The following TRDMT1 variants were observed in gnomAD, a reference collection of about 807,000 sequenced individuals.
TRDMT1 encodes tRNA (cytosine(38)-C(5))-methyltransferase.
In TRDMT1, 49 loss-of-function variants were observed where a neutral mutation model predicts 51.2. That is an observed-to-expected ratio of 0.96 (90% CI 0.76 to 1.21). The LOEUF (loss-of-function observed/expected upper bound fraction) is 1.21. Among genes scored for constraint, TRDMT1 ranks in the 50% most tolerant of loss-of-function variants. The pLI, the probability that TRDMT1 is intolerant of heterozygous loss-of-function variation, is 0.00. For synonymous variants in TRDMT1, 187 were observed against 164.6 expected (o/e 1.14, Z -1.04); for missense variants, 534 against 462.3 (o/e 1.16, Z -1.42).
intron 2 of TRDMT1, chr10:17,169,613 A>G (rs1204972949): frequency 6.2e-6 from 6 of 965,350 alleles, no homozygotes; most frequent in African/African-American, 1.7e-5. Flanking sequence ...CTCTCAGTGC[A>G]CATCTTTAGC....
At chr10:17,169,258 A>T (rs1841638097) in intron 2 of TRDMT1, 1 of 973,044 alleles carries the variant, frequency 1.0e-6, no homozygotes, top group Non-Finnish European at 1.3e-6. Context: ...ACCTTATTTT[A>T]TAATTGATAA....
Position 17,148,535 on chromosome 10 carries a change from G to C in TRDMT1, c.*505C>G. 1 of 984,750 alleles carries C rather than the reference G, an allele frequency of 1.0e-6. No homozygotes were observed. The highest frequency in any genetic ancestry group is 1.2e-6 in the Non-Finnish European group (1 of 829,392). 61.0% of individuals were successfully genotyped at this position (984,750 alleles called of 1,614,324 possible). A position where few individuals can be genotyped will look rare whatever the true frequency, so the allele number is the denominator to read the frequency against. On this transcript the variant is annotated 3_prime_UTR_variant, in exon 11 of 11. Coordinates refer to ENST00000377799, the MANE Select transcript of TRDMT1 (RefSeq NM_004412.7). ...CAGTCTGCTGTATAAACTGAATGAT[G>C]ATAATTTGGTTTACATATCATATGC...
At chr10:17,180,015 T>C (rs1843081068) in intron 1 of TRDMT1, among the ~76,000 whole-genome samples, 1 of 152,180 alleles carries the variant, frequency 6.6e-6, no homozygotes, top group Non-Finnish European at 1.5e-5. Context: ...TGATACTCTA[T>C]GAGCATTTAA....
chr10:17,193,772 C>T (rs1380409844), intron 1 of TRDMT1, among the ~76,000 whole-genome samples: 2 of 152,160 alleles, frequency 1.3e-5, no homozygotes, highest in Admixed American at 6.5e-5. Context: ...TCCTGTCAAA[C>T]TACTAGCATC....
intron 1 of TRDMT1, among the ~76,000 whole-genome samples, chr10:17,192,317 G>C (rs1489206498): frequency 3.3e-5 from 5 of 152,212 alleles, no homozygotes; most frequent in African/African-American, 1.2e-4. Context: ...GAAGGGATCA[G>C]AGACCAGTAG....
At chr10:17,170,377 A>C (rs1211227366) in intron 2 of TRDMT1, among the ~76,000 whole-genome samples, 2 of 152,242 alleles carry the variant, frequency 1.3e-5, no homozygotes, top group Non-Finnish European at 2.9e-5. Flanking sequence ...TAAATATTTT[A>C]AAGCCAAAGG....
At chr10:17,154,758 T>G in intron 8 of TRDMT1, 24 bp from the exon 9 acceptor site, 3 of 1,591,262 alleles carry the variant, frequency 1.9e-6, no homozygotes, top group Non-Finnish European at 2.6e-6. Flanking sequence ...ACAACAATTA[T>G]GCAGCACCTG....
intron 3 of TRDMT1, among the ~76,000 whole-genome samples, chr10:17,167,443 G>A (rs189862591): frequency 5.3e-5 from 8 of 152,158 alleles, no homozygotes; most frequent in Admixed American, 5.2e-4. Context: ...AACAGCAATG[G>A]CTACCCCATA....
chr10:17,197,774 T>C (rs377684801), intron 1 of TRDMT1, among the ~76,000 whole-genome samples: 5 of 152,210 alleles, frequency 3.3e-5, no homozygotes, highest in African/African-American at 1.2e-4. Flanking sequence ...GGCTCACACC[T>C]GTAATCCCAA....
At chr10:17,153,783 T>C (rs1207407057) in intron 9 of TRDMT1, 147 bp from the exon 10 acceptor site, 5 of 674,698 alleles carry the variant, frequency 7.4e-6, no homozygotes, top group Non-Finnish European at 1.2e-5. Context: ...CTCTGTGCAA[T>C]AGACTACATA....
rs962161551 is a variant in TRDMT1 at position 17,201,543 on chromosome 10, G to A, written c.64+28C>T. 5.8e-6 allele frequency: 9 copies of A among 1,542,900 alleles called. No homozygotes were observed. In the African/African-American group the frequency reaches 1.2e-4, roughly 21 times the overall value. On this transcript the variant is annotated intron_variant, in intron 1 of 10. Coordinates refer to ENST00000377799, the MANE Select transcript of TRDMT1 (RefSeq NM_004412.7). ...TCCAACCAGCCCCCGTGAGCGAATA[G>A]AGAGAGGGGTGCTAGATGGACTCTC...
chr10:17,145,108 G>T lies in TRDMT1; in HGVS notation c.*3932C>A. The T allele has an allele frequency of 1.7e-6, 1 of 582,972 alleles. No individual in the cohort carries two copies. The highest frequency in any genetic ancestry group is 2.2e-6 in the Non-Finnish European group (1 of 462,448). 36.1% of individuals were successfully genotyped at this position (582,972 alleles called of 1,614,324 possible). A position where few individuals can be genotyped will look rare whatever the true frequency, so the allele number is the denominator to read the frequency against. ...CTACTAATACAAAAATTAGCTAGGT[G>T]TGGTGGCATGCGCCTGTAATCCCAG... On this transcript the variant is annotated 3_prime_UTR_variant, in exon 11 of 11. Coordinates refer to ENST00000377799, the MANE Select transcript of TRDMT1 (RefSeq NM_004412.7).
At chr10:17,190,426 A>G (rs1212911883) in intron 1 of TRDMT1, among the ~76,000 whole-genome samples, 12 of 112,840 alleles carry the variant, frequency 1.1e-4, no homozygotes, top group Non-Finnish European at 2.5e-4. Flanking sequence ...TGACAGGAAT[A>G]AAAGAGCAAA....
intron 9 of TRDMT1, 63 bp downstream of exon 9, chr10:17,154,614 A>T (rs963545979): frequency 1.4e-5 from 18 of 1,331,638 alleles, no homozygotes; most frequent in Non-Finnish European, 1.8e-5. Flanking sequence ...TAATGTTCTC[A>T]AAGTATTAAA....
intron 1 of TRDMT1, among the ~76,000 whole-genome samples, chr10:17,188,885 G>A (rs555106230): frequency 1.4e-4 from 21 of 152,148 alleles, no homozygotes; most frequent in Non-Finnish European, 2.2e-4. Context: ...CAAAAGGCTT[G>A]TTTACAATAA....
In TRDMT1 at chr10:17,146,060, T is replaced by C; in HGVS notation, c.*2980A>G. The C allele has an allele frequency of 1.0e-6, 1 of 985,374 alleles. No homozygotes were observed. The highest frequency in any genetic ancestry group is 1.2e-6 in the Non-Finnish European group (1 of 829,898). 61.0% of individuals were successfully genotyped at this position (985,374 alleles called of 1,614,324 possible). ...TGCACTCATCTCTAACCCCATCCAA[T>C]TTTACATCCCACATGGTAGCAATAC... is the stretch of plus-strand genomic sequence containing the variant. On this transcript the variant is annotated 3_prime_UTR_variant, in exon 11 of 11. Coordinates refer to ENST00000377799, the MANE Select transcript of TRDMT1 (RefSeq NM_004412.7).
chr10:17,160,488 T>G (rs1407189682), intron 5 of TRDMT1, 114 bp from the exon 6 acceptor site: 2 of 663,960 alleles, frequency 3.0e-6, no homozygotes, highest in African/African-American at 3.7e-5. Context: ...TTGGTTTTTT[T>G]TGAGACAGAG....
chr10:17,170,805 A>G (rs1442302507), intron 2 of TRDMT1, among the ~76,000 whole-genome samples: 3 of 144,732 alleles, frequency 2.1e-5, no homozygotes, highest in Admixed American at 7.1e-5. Flanking sequence ...TTCTCCTATT[A>G]TGTCTTCTAG....
chr10:17,151,370 CA>C, intron 10 of TRDMT1: 1 of 985,294 alleles, frequency 1.0e-6, no homozygotes, highest in Non-Finnish European at 1.2e-6. Flanking sequence ...TGTTTTTCTT[CA>C]AAAGCCCGCT....
Sources: gnomAD v4.1 joint callset for allele counts (sites outside exome capture counted in the v4.1 genomes callset) on GRCh38, gnomAD v4.1.1 for gene constraint, MANE v1.5 for transcripts, NCBI Gene and HGNC (gene_info 2026-07-23, HGNC 2026-07-21) for gene names.